Variants in HS3ST4 observed in about 807,000 individuals in gnomAD.
HS3ST4 encodes the protein heparan sulfate-glucosamine 3-sulfotransferase 4, also known as heparan sulfate glucosamine 3-O-sulfotransferase 4.
In HS3ST4, 17 loss-of-function variants were observed where a neutral mutation model predicts 29.2. That is an observed-to-expected ratio of 0.58 (90% CI 0.40 to 0.87). The LOEUF (loss-of-function observed/expected upper bound fraction) is 0.87, where lower values mean the gene tolerates loss of function less well. Among genes scored for constraint, HS3ST4 ranks in the 40% least tolerant of loss-of-function variants. The pLI is 0.00. For missense variants in HS3ST4, 627 were observed against 634.5 expected (o/e 0.99, Z 0.13); for synonymous variants, 314 against 285.7 (o/e 1.10, Z -1.00).
rs1157041003 is a variant in HS3ST4 at position 25,885,743 on chromosome 16, T to A, written c.734+192592T>A. 2.0e-5 allele frequency among the ~76,000 whole-genome samples: 3 copies of A among 151,978 alleles called. No individual in the cohort carries two copies. In the East Asian group the frequency reaches 5.8e-4, roughly 29 times the overall value. ...ACATATATGTATATGTGTGTAAACA[T>A]TTTCTTAGTATCTTTAGTTTGACTC... On this transcript the variant is annotated intron_variant, in intron 1 of 1. Transcript: ENST00000331351.
intron 1 of HS3ST4, among the ~76,000 whole-genome samples, chr16:25,878,316 C>A (rs1301332749): frequency 1.3e-5 from 2 of 152,144 alleles, no homozygotes; most frequent in East Asian, 1.9e-4. Context: ...CAGTGACCCC[C>A]AGTCTTCTAT....
intron 1 of HS3ST4, among the ~76,000 whole-genome samples, chr16:26,118,640 T>C (rs1207202405): frequency 6.6e-6 from 1 of 152,122 alleles, no homozygotes; most frequent in Non-Finnish European, 1.5e-5. Context: ...TCCTTCCATA[T>C]TGGATGGCAC....
intron 1 of HS3ST4, among the ~76,000 whole-genome samples, chr16:25,737,039 G>T (rs570125771): frequency 1.4e-4 from 21 of 148,552 alleles, no homozygotes; most frequent in South Asian, 8.6e-4. Context: ...GTAGAGATGG[G>T]TTTTTTTTTT....
intron 1 of HS3ST4, among the ~76,000 whole-genome samples, chr16:25,719,071 T>G (rs1816875622): frequency 6.6e-6 from 1 of 152,204 alleles, no homozygotes; most frequent in African/African-American, 2.4e-5. Context: ...AAATGTCCAC[T>G]TAGTTTAGAT....
At chr16:25,943,495 A>C (rs571401586) in intron 1 of HS3ST4, among the ~76,000 whole-genome samples, 31 of 152,320 alleles carry the variant, frequency 2.0e-4, no homozygotes, top group Non-Finnish European at 3.5e-4. Context: ...GGCTATTGAA[A>C]ATATGGGTGG....
chr16:25,719,653 T>C (rs1966479814), intron 1 of HS3ST4, among the ~76,000 whole-genome samples: 1 of 152,198 alleles, frequency 6.6e-6, no homozygotes, highest in Non-Finnish European at 1.5e-5. Context: ...GTTCTGGGCA[T>C]CATATGCTAG....
intron 1 of HS3ST4, among the ~76,000 whole-genome samples, chr16:25,873,056 C>T (rs1967772513): frequency 6.6e-6 from 1 of 152,120 alleles, no homozygotes; most frequent in Non-Finnish European, 1.5e-5. Flanking sequence ...GCTCAGAATG[C>T]ACTGGCTGTG....
chr16:25,882,143 G>C (rs1468453493), intron 1 of HS3ST4, among the ~76,000 whole-genome samples: 4 of 152,180 alleles, frequency 2.6e-5, no homozygotes, highest in Non-Finnish European at 5.9e-5. Context: ...CTAGTGATGA[G>C]TGCCTTCTCT....
chr16:25,731,122 G>T (rs1249100003), intron 1 of HS3ST4, among the ~76,000 whole-genome samples: 1 of 149,890 alleles, frequency 6.7e-6, no homozygotes, highest in Non-Finnish European at 1.5e-5. Context: ...CTGAGGCTTG[G>T]TGTCCCGAAA....
At chr16:25,870,234 T>G (rs1241867837) in intron 1 of HS3ST4, among the ~76,000 whole-genome samples, 3 of 152,124 alleles carry the variant, frequency 2.0e-5, no homozygotes, top group Non-Finnish European at 4.4e-5. Flanking sequence ...CTATCCCCTA[T>G]CTATCCATCC....
chr16:26,051,010 CTTTAGGGAGCATTGAGTTTAAGGA>C (rs1308449438), intron 1 of HS3ST4, among the ~76,000 whole-genome samples: 1 of 152,104 alleles, frequency 6.6e-6, no homozygotes, highest in Non-Finnish European at 1.5e-5. Flanking sequence ...CGGGGATCTC[CTTTAGGGAGCATTGAGTTTAAGGA>C]GACTGGCACC....
intron 1 of HS3ST4, among the ~76,000 whole-genome samples, chr16:25,900,389 A>C (rs1257927658): frequency 1.3e-5 from 2 of 152,122 alleles, no homozygotes; most frequent in African/African-American, 4.8e-5. Context: ...CTTTATTAGA[A>C]TTTATATTAT....
At chr16:25,997,907 A>G (rs759893821) in intron 1 of HS3ST4, among the ~76,000 whole-genome samples, 2 of 152,162 alleles carry the variant, frequency 1.3e-5, no homozygotes, top group African/African-American at 2.4e-5. Context: ...TCATTATCCT[A>G]GTCTTCCTCC....
chr16:25,890,251 C>A (rs985359776), intron 1 of HS3ST4, among the ~76,000 whole-genome samples: 4 of 152,158 alleles, frequency 2.6e-5, no homozygotes, highest in Non-Finnish European at 5.9e-5. Context: ...TGTATTTATA[C>A]CTTTGTCCGA....
intron 1 of HS3ST4, among the ~76,000 whole-genome samples, chr16:25,953,644 A>G (rs1319750684): frequency 6.6e-6 from 1 of 152,188 alleles, no homozygotes; most frequent in Non-Finnish European, 1.5e-5. Flanking sequence ...AGACCATGTC[A>G]TAAATTGGAT....
At chr16:25,829,588 C>G (rs1253603033) in intron 1 of HS3ST4, among the ~76,000 whole-genome samples, 1 of 151,998 alleles carries the variant, frequency 6.6e-6, no homozygotes, top group Non-Finnish European at 1.5e-5. Flanking sequence ...GACCCTGCAA[C>G]AGGCCCCGGT....
intron 1 of HS3ST4, among the ~76,000 whole-genome samples, chr16:25,947,954 G>A (rs1187004813): frequency 6.6e-6 from 1 of 152,194 alleles, no homozygotes; most frequent in Non-Finnish European, 1.5e-5. Context: ...TCCATCGGGA[G>A]GATCAACTTG....
intron 1 of HS3ST4, among the ~76,000 whole-genome samples, chr16:25,976,701 A>ACT (rs1968947093): frequency 6.6e-6 from 1 of 152,174 alleles, no homozygotes; most frequent in African/African-American, 2.4e-5. Context: ...CAGTAAAATG[A>ACT]GTCTGGGAAC....
At chr16:25,754,505 A>T (rs1409771707) in intron 1 of HS3ST4, among the ~76,000 whole-genome samples, 1 of 151,908 alleles carries the variant, frequency 6.6e-6, no homozygotes, top group Non-Finnish European at 1.5e-5. Context: ...GCCCATTCTC[A>T]TGCTGTTAAT....
Sources: gnomAD v4.1 joint callset for allele counts (sites outside exome capture counted in the v4.1 genomes callset) on GRCh38, gnomAD v4.1.1 for gene constraint, MANE v1.5 for transcripts, NCBI Gene and HGNC (gene_info 2026-07-23, HGNC 2026-07-21) for gene names.